The following NDFIP2 variants were observed in gnomAD, a reference collection of about 807,000 sequenced individuals.
The protein encoded by NDFIP2 is NEDD4 family-interacting protein 2.
In NDFIP2, 19 loss-of-function variants were observed where a neutral mutation model predicts 36.0. That is an observed-to-expected ratio of 0.53 (90% CI 0.37 to 0.77). The LOEUF (loss-of-function observed/expected upper bound fraction) is 0.77. Among genes scored for constraint, NDFIP2 ranks in the 30% least tolerant of loss-of-function variants. The pLI, the probability that NDFIP2 is intolerant of heterozygous loss-of-function variation, is 0.00. For synonymous variants in NDFIP2, 181 were observed against 167.7 expected (o/e 1.08, Z -0.61); for missense variants, 446 against 435.8 (o/e 1.02, Z -0.21).
At chr13:79,516,380 A>G (rs1303391819) in intron 1 of NDFIP2, among the ~76,000 whole-genome samples, 1 of 151,984 alleles carries the variant, frequency 6.6e-6, no homozygotes, top group Non-Finnish European at 1.5e-5. Flanking sequence ...CAGCCTCCCA[A>G]GTAGCTAGGT....
intron 1 of NDFIP2, among the ~76,000 whole-genome samples, chr13:79,498,004 G>T (rs1275164067): frequency 6.6e-6 from 1 of 151,582 alleles, no homozygotes; most frequent in East Asian, 1.9e-4. Flanking sequence ...AAGAGAAGTG[G>T]GTGGATGGAT....
Position 79,544,781 on chromosome 13 carries a change from A to G in NDFIP2, c.840+1099A>G, listed in dbSNP as rs1280920176. ...AAAAGTACCCACTATGAAAATATTA[A>G]TGTTTATGGATGTAATGCATTTCTT... On this transcript the variant is annotated intron_variant, in intron 5 of 7. Transcript: ENST00000218652. 2.0e-5 allele frequency among the ~76,000 whole-genome samples: 3 copies of G among 152,188 alleles called. No homozygotes were observed. The East Asian group carries it at 5.8e-4, about 29-fold the overall frequency.
intron 1 of NDFIP2, among the ~76,000 whole-genome samples, chr13:79,503,038 A>G (rs1417509794): frequency 6.6e-6 from 1 of 152,136 alleles, no homozygotes; most frequent in Non-Finnish European, 1.5e-5. Context: ...GTTGTCTGGC[A>G]TTTGGGAGTG....
At chr13:79,512,312 A>G (rs927621346) in intron 1 of NDFIP2, among the ~76,000 whole-genome samples, 1 of 152,232 alleles carries the variant, frequency 6.6e-6, no homozygotes, top group African/African-American at 2.4e-5. Flanking sequence ...AAATTGTTTT[A>G]TAAATTCAAA....
intron 1 of NDFIP2, among the ~76,000 whole-genome samples, chr13:79,505,863 A>G (rs750147908): frequency 3.3e-5 from 5 of 152,202 alleles, no homozygotes; most frequent in Middle Eastern, 3.4e-3. Context: ...ATCACCTTAA[A>G]GTGGATACAT....
intron 1 of NDFIP2, among the ~76,000 whole-genome samples, chr13:79,508,028 A>T (rs541865361): frequency 2.6e-5 from 4 of 152,208 alleles, no homozygotes; most frequent in Non-Finnish European, 5.9e-5. Flanking sequence ...TTGTTTTAGT[A>T]TTCTGTTTTA....
At chr13:79,548,287 G>T (rs761210102) in intron 5 of NDFIP2, 41 bp from the exon 6 acceptor site, 4 of 1,300,800 alleles carry the variant, frequency 3.1e-6, no homozygotes, top group Non-Finnish European at 3.3e-6. Flanking sequence ...TTCAAATTCA[G>T]GTGTATGAAT....
Position 79,533,313 on chromosome 13 carries a change from C to T in NDFIP2, c.488-10C>T. 3 of 1,585,886 alleles carry T rather than the reference C, an allele frequency of 1.9e-6. No individual in the cohort carries two copies. The highest frequency in any genetic ancestry group is 2.6e-6 in the Non-Finnish European group (3 of 1,170,774). On this transcript the variant is annotated splice_polypyrimidine_tract_variant and intron_variant, in intron 2 of 7. Transcript: ENST00000218652. ...TTTTATTGGTTATTCTTTTTGAATT[C>T]TTTCTTCAGATACAGAAGTTTACGG... is the stretch of plus-strand genomic sequence containing the variant.
At chr13:79,500,219 A>G (rs941238715) in intron 1 of NDFIP2, among the ~76,000 whole-genome samples, 13 of 151,940 alleles carry the variant, frequency 8.6e-5, no homozygotes, top group African/African-American at 2.9e-4. Context: ...CCTCTACACA[A>G]ATTAACTCAA....
At chr13:79,511,777 A>G (rs1874091840) in intron 1 of NDFIP2, among the ~76,000 whole-genome samples, 1 of 152,218 alleles carries the variant, frequency 6.6e-6, no homozygotes, top group African/African-American at 2.4e-5. Flanking sequence ...TCAAAAGCTT[A>G]TGATCTGATT....
chr13:79,497,838 A>T (rs1873506932), intron 1 of NDFIP2, among the ~76,000 whole-genome samples: 1 of 132,144 alleles, frequency 7.6e-6, no homozygotes, highest in Non-Finnish European at 1.7e-5. Context: ...GTATGTGTGT[A>T]CTTGTTGATC....
At chr13:79,524,124 T>A (rs148252176) in intron 2 of NDFIP2, among the ~76,000 whole-genome samples, 260 of 152,340 alleles carry the variant, frequency 1.7e-3, no homozygotes, top group African/African-American at 5.9e-3. Flanking sequence ...CATTTTCTTC[T>A]TCATCTTCCT....
intron 7 of NDFIP2, among the ~76,000 whole-genome samples, chr13:79,552,232 A>T (rs1013351270): frequency 1.3e-5 from 2 of 151,336 alleles, no homozygotes; most frequent in Admixed American, 1.3e-4. Flanking sequence ...AGAATTTGTC[A>T]GTATTAATAA....
At chr13:79,505,481 A>G (rs760600145) in intron 1 of NDFIP2, among the ~76,000 whole-genome samples, 37 of 152,150 alleles carry the variant, frequency 2.4e-4, no homozygotes, top group Middle Eastern at 3.4e-3. Flanking sequence ...AAAATGTAAT[A>G]AATTGACCAG....
intron 1 of NDFIP2, among the ~76,000 whole-genome samples, chr13:79,509,033 C>A (rs779853895): frequency 6.6e-6 from 1 of 151,296 alleles, no homozygotes; most frequent in Non-Finnish European, 1.5e-5. Context: ...CTAGAGTTAG[C>A]ATTTTTTTTT....
intron 1 of NDFIP2, among the ~76,000 whole-genome samples, chr13:79,505,177 T>TG (rs1322237603): frequency 6.6e-6 from 1 of 152,236 alleles, no homozygotes; most frequent in Non-Finnish European, 1.5e-5. Flanking sequence ...AATGGCTTAC[T>TG]GCTACTGTGC....
chr13:79,490,798 G>A (rs1873196725), intron 1 of NDFIP2, among the ~76,000 whole-genome samples: 1 of 152,146 alleles, frequency 6.6e-6, no homozygotes, highest in South Asian at 2.1e-4. Flanking sequence ...TAACAATGTG[G>A]TGAGGTTGTT....
At chr13:79,513,104 A>G (rs1334163807) in intron 1 of NDFIP2, among the ~76,000 whole-genome samples, 2 of 152,224 alleles carry the variant, frequency 1.3e-5, no homozygotes, top group African/African-American at 4.8e-5. Context: ...CCTTTGACCC[A>G]GGTATCCTGC....
chr13:79,512,103 A>G (rs1336690774), intron 1 of NDFIP2, among the ~76,000 whole-genome samples: 1 of 152,136 alleles, frequency 6.6e-6, no homozygotes, highest in Non-Finnish European at 1.5e-5. Context: ...CCCATTTTTG[A>G]CTAATTTTTG....
Sources: allele counts gnomAD v4.1 joint callset (sites outside exome capture counted in the v4.1 genomes callset), GRCh38; gene constraint gnomAD v4.1.1; transcripts MANE v1.5; gene names NCBI Gene and HGNC (gene_info 2026-07-23, HGNC 2026-07-21).